Variants in FOCAD observed in about 807,000 individuals in gnomAD.
FOCAD encodes the protein KIAA1797.
FOCAD carries 198 observed loss-of-function variants against 225.6 expected under a neutral mutation model. The observed-to-expected ratio is 0.88, with a 90% CI of 0.78 to 0.99. The LOEUF is 0.99. Ranked by LOEUF, FOCAD falls within the 50% of genes least tolerant of loss-of-function variation. The pLI is 0.00. For synonymous variants in FOCAD, 897 were observed against 755.0 expected (o/e 1.19, Z -3.08); for missense variants, 2,713 against 2,123.6 (o/e 1.28, Z -5.46).
intron 21 of FOCAD, chr9:20,885,627 G>C (rs1417422555): frequency 6.6e-6 from 1 of 152,260 alleles, no homozygotes; most frequent in Non-Finnish European, 1.5e-5. Context: ...GTAAATAAAA[G>C]CATTTTAGAA....
chr9:20,928,611 A>G (rs994215654), intron 26 of FOCAD, among the ~76,000 whole-genome samples: 1 of 152,172 alleles, frequency 6.6e-6, no homozygotes, highest in Non-Finnish European at 1.5e-5. Context: ...GAAGCTGTTC[A>G]TATTCAGCTG....
chr9:20,688,271 C>G (rs150826274), intron 1 of FOCAD, among the ~76,000 whole-genome samples: 1 of 152,030 alleles, frequency 6.6e-6, no homozygotes, highest in African/African-American at 2.4e-5. Flanking sequence ...TGACAGAACT[C>G]CGAAAATGCA....
At chr9:20,976,212 A>G (rs1044959443) in intron 35 of FOCAD, 4 of 281,182 alleles carry the variant, frequency 1.4e-5, no homozygotes, top group Admixed American at 9.1e-5. Flanking sequence ...AAAATTTATA[A>G]AAATTTTTTA....
At chr9:20,924,258 A>G (rs1214151091) in intron 25 of FOCAD, among the ~76,000 whole-genome samples, 3 of 152,202 alleles carry the variant, frequency 2.0e-5, no homozygotes, top group Non-Finnish European at 2.9e-5. Context: ...GATAATTCAT[A>G]TCTGTCTAAA....
chr9:20,975,874 G>A (rs1295269256), intron 35 of FOCAD, among the ~76,000 whole-genome samples: 1 of 152,154 alleles, frequency 6.6e-6, no homozygotes, highest in Non-Finnish European at 1.5e-5. Context: ...TAGAGGTAGA[G>A]AGTATAGAAT....
chr9:20,689,996 C>A (rs544474125), intron 1 of FOCAD, among the ~76,000 whole-genome samples: 14 of 152,304 alleles, frequency 9.2e-5, no homozygotes, highest in African/African-American at 3.4e-4. Context: ...AATACTTTTG[C>A]AAATACATTT....
intron 2 of FOCAD, among the ~76,000 whole-genome samples, chr9:20,664,977 T>C (rs560489190): frequency 2.8e-4 from 43 of 152,016 alleles, no homozygotes; most frequent in Non-Finnish European, 5.4e-4. Context: ...AACAGAGAAA[T>C]GATAAAACTA....
intron 2 of FOCAD, among the ~76,000 whole-genome samples, chr9:20,677,173 A>G (rs1822260026): frequency 6.6e-6 from 1 of 152,242 alleles, no homozygotes; most frequent in African/African-American, 2.4e-5. Context: ...ATTCACATGT[A>G]GGAGAATGAA....
At chr9:20,963,162 AC>A (rs1838919361) in intron 35 of FOCAD, among the ~76,000 whole-genome samples, 1 of 152,224 alleles carries the variant, frequency 6.6e-6, no homozygotes, top group Admixed American at 6.5e-5. Context: ...ACTACTCAAT[AC>A]TGATTCTTTG....
intron 15 of FOCAD, among the ~76,000 whole-genome samples, chr9:20,853,250 G>T (rs1167178415): frequency 6.6e-6 from 1 of 151,710 alleles, no homozygotes; most frequent in Non-Finnish European, 1.5e-5. Context: ...CCTTGTGGAA[G>T]TATCCTAGGC....
rs1262738702 is a variant in FOCAD, at chr9:20,732,538, A to G, written c.288-7698A>G. Among the ~76,000 whole-genome samples, 4 of 152,194 alleles carry G rather than the reference A, an allele frequency of 2.6e-5. No individual in the cohort carries two copies. The South Asian group carries it at 6.2e-4, about 24-fold the overall frequency. Reference sequence around the variant, plus strand: ...TGGGATTCAGACAGTGCAGCGCATGATTGACAATCTTGATGATTTGGGTCT... The same window carrying G: ...TGGGATTCAGACAGTGCAGCGCATGGTTGACAATCTTGATGATTTGGGTCT... On this transcript the variant is annotated intron_variant, in intron 4 of 43. Transcript: ENST00000338382.
At chr9:20,744,630 TA>T (rs1827895592) in intron 5 of FOCAD, among the ~76,000 whole-genome samples, 2 of 152,328 alleles carry the variant, frequency 1.3e-5, no homozygotes, top group South Asian at 4.1e-4. Context: ...GACTGGGCTT[TA>T]CCCAGAATGA....
chr9:20,789,570 A>G lies in FOCAD; in HGVS notation c.1417A>G (p.Lys473Glu), dbSNP rs376416980. Residue 473 changes from lysine (K) to glutamate (E), a missense_variant, in exon 11 of 44, where the codon AAG (lysine) becomes GAG (glutamate). Physicochemically the swap from Lys to Glu is moderately conservative, Grantham distance 56 (BLOSUM62 1). Transcript: ENST00000338382. ...AGGACAAAATCTTCACCAAATACTCAAGGTCACTACAGAATTAGCCCAAGC... is the reference window on the plus strand; with the variant it reads ...AGGACAAAATCTTCACCAAATACTCGAGGTCACTACAGAATTAGCCCAAGC... Reference protein sequence around the residue: ...DKGQNLHQILKVTTELAQADS... With the variant: ...DKGQNLHQILEVTTELAQADS... 12 of 1,613,844 alleles carry G rather than the reference A, an allele frequency of 7.4e-6. No individual in the cohort carries two copies. In the African/African-American group the frequency reaches 1.2e-4, roughly 16 times the overall value.
rs564009168 is a variant in FOCAD at position 20,900,926 on chromosome 9, A to G, written c.2626-6224A>G. 2.0e-5 allele frequency among the ~76,000 whole-genome samples: 3 copies of G among 151,422 alleles called. No individual in the cohort carries two copies. The South Asian group carries it at 6.3e-4, about 32-fold the overall frequency. Reference sequence around the variant, plus strand: ...GAGGGAAAGAGGGAAGGAAGGAGAAAAGGTTGGGGAGAGAATGTTAAATTT... The same window carrying G: ...GAGGGAAAGAGGGAAGGAAGGAGAAGAGGTTGGGGAGAGAATGTTAAATTT... On this transcript the variant is annotated intron_variant, in intron 21 of 43. Coordinates refer to ENST00000338382, the MANE Select transcript of FOCAD (RefSeq NM_001375567.1).
chr9:20,946,076 TATTTATTCATTC>T (rs1466023294), intron 29 of FOCAD, among the ~76,000 whole-genome samples: 1 of 98,980 alleles, frequency 1.0e-5, no homozygotes, highest in East Asian at 2.5e-4. Flanking sequence ...ACCCATATTT[TATTTATTCATTC>T]ATTCATTCAT....
At chr9:20,764,667 GA>G (rs2130949513) in intron 6 of FOCAD, among the ~76,000 whole-genome samples, 1 of 152,310 alleles carries the variant, frequency 6.6e-6, no homozygotes, top group African/African-American at 2.4e-5. Context: ...TCCAGGTGTT[GA>G]ATAATTTTCC....
chr9:20,914,889 A>G (rs1673614202), intron 23 of FOCAD, among the ~76,000 whole-genome samples: 1 of 152,216 alleles, frequency 6.6e-6, no homozygotes, highest in Non-Finnish European at 1.5e-5. Flanking sequence ...GTTTTAGACT[A>G]GGATGTTAGT....
chr9:20,672,995 A>T (rs1282007239), intron 2 of FOCAD, among the ~76,000 whole-genome samples: 1 of 152,214 alleles, frequency 6.6e-6, no homozygotes, highest in Non-Finnish European at 1.5e-5. Context: ...AAGCCAATGG[A>T]CATTTTTAGC....
chr9:20,863,581 G>A (rs1022745787), intron 16 of FOCAD: 1 of 151,928 alleles, frequency 6.6e-6, no homozygotes, highest in Non-Finnish European at 1.5e-5. Context: ...TGATTGAATC[G>A]ATACAGAATA....
Sources: allele counts gnomAD v4.1 joint callset (sites outside exome capture counted in the v4.1 genomes callset), GRCh38; gene constraint gnomAD v4.1.1; transcripts MANE v1.5; gene names NCBI Gene and HGNC (gene_info 2026-07-23, HGNC 2026-07-21).